Variants in HS6ST3 observed in about 807,000 individuals in gnomAD.
HS6ST3 encodes heparan-sulfate 6-O-sulfotransferase 3.
Under a neutral mutation model 36.7 loss-of-function variants are expected in HS6ST3, and 12 were observed. The ratio of observed to expected loss-of-function variants is 0.33; its 90% CI spans 0.21 to 0.53. The LOEUF (loss-of-function observed/expected upper bound fraction) is 0.53, where lower values mean the gene tolerates loss of function less well. Among genes scored for constraint, HS6ST3 ranks in the 20% least tolerant of loss-of-function variants. The pLI is 0.95. For missense variants in HS6ST3, 584 were observed against 640.9 expected (o/e 0.91, Z 0.96); for synonymous variants, 240 against 257.5 (o/e 0.93, Z 0.65).
chr13:96,305,960 T>A (rs1327415919), intron 1 of HS6ST3, among the ~76,000 whole-genome samples: 1 of 151,408 alleles, frequency 6.6e-6, no homozygotes, highest in Non-Finnish European at 1.5e-5. Flanking sequence ...GATCTCACTG[T>A]GTCACGTAGT....
chr13:96,196,595 C>CCGA (rs1390735597), intron 1 of HS6ST3, among the ~76,000 whole-genome samples: 1 of 151,826 alleles, frequency 6.6e-6, no homozygotes, highest in Non-Finnish European at 1.5e-5. Flanking sequence ...GAGGAGCATG[C>CCGA]TGATGATGAC....
intron 1 of HS6ST3, among the ~76,000 whole-genome samples, chr13:96,801,479 T>C (rs1050226725): frequency 6.6e-6 from 1 of 152,098 alleles, no homozygotes; most frequent in Admixed American, 6.6e-5. Flanking sequence ...TTTGTTTTCC[T>C]GTTGAAAACA....
chr13:96,734,591 A>G (rs1367982241), intron 1 of HS6ST3, among the ~76,000 whole-genome samples: 1 of 152,166 alleles, frequency 6.6e-6, no homozygotes, highest in African/African-American at 2.4e-5. Context: ...AATAGATTAA[A>G]TATACACAGC....
chr13:96,550,034 T>G (rs1340827154), intron 1 of HS6ST3, among the ~76,000 whole-genome samples: 1 of 152,220 alleles, frequency 6.6e-6, no homozygotes, highest in Non-Finnish European at 1.5e-5. Context: ...CATCACATAG[T>G]AATACATACT....
chr13:96,552,150 C>T (rs544881426), intron 1 of HS6ST3, among the ~76,000 whole-genome samples: 4 of 152,124 alleles, frequency 2.6e-5, no homozygotes, highest in Non-Finnish European at 5.9e-5. Context: ...TCAGTGTGCA[C>T]GTATTTATTG....
intron 1 of HS6ST3, among the ~76,000 whole-genome samples, chr13:96,210,783 G>A (rs765111436): frequency 5.9e-5 from 9 of 151,606 alleles, no homozygotes; most frequent in South Asian, 4.2e-4. Context: ...TAGTAGAGAC[G>A]AGGTTTCACC....
rs573401611 is a variant in HS6ST3 at position 96,534,439 on chromosome 13, G to A, written c.708-298051G>A. On this transcript the variant is annotated intron_variant, in intron 1 of 1. Transcript: ENST00000376705. ...TTTATATGTCTCAGTTTTAAATGGT[G>A]TATTTAATCCCATCCATCCCGTGTG... Among the ~76,000 whole-genome samples the A allele has an allele frequency of 2.0e-5, 3 of 152,304 alleles. No homozygotes were observed. The East Asian group carries it at 5.8e-4, about 29-fold the overall frequency.
At chr13:96,103,011 G>A (rs1256887973) in intron 1 of HS6ST3, among the ~76,000 whole-genome samples, 1 of 152,048 alleles carries the variant, frequency 6.6e-6, no homozygotes, top group African/African-American at 2.4e-5. Flanking sequence ...TGGCATATAT[G>A]TGTTTTCTTT....
At chr13:96,759,035 A>G (rs1161134202) in intron 1 of HS6ST3, among the ~76,000 whole-genome samples, 1 of 151,810 alleles carries the variant, frequency 6.6e-6, no homozygotes, top group Admixed American at 6.6e-5. Flanking sequence ...ATGTATTCCT[A>G]AAGAATCAAC....
chr13:96,251,847 C>G (rs996520219), intron 1 of HS6ST3, among the ~76,000 whole-genome samples: 10 of 151,952 alleles, frequency 6.6e-5, no homozygotes, highest in African/African-American at 2.4e-4. Flanking sequence ...TGCTTAATTT[C>G]TATATATTTG....
At chr13:96,176,798 G>T (rs891123873) in intron 1 of HS6ST3, among the ~76,000 whole-genome samples, 1 of 152,176 alleles carries the variant, frequency 6.6e-6, no homozygotes, top group Non-Finnish European at 1.5e-5. Flanking sequence ...AAGAGCTTCT[G>T]CACAGCAAAA....
At chr13:96,295,556 C>T (rs994513208) in intron 1 of HS6ST3, among the ~76,000 whole-genome samples, 3 of 152,020 alleles carry the variant, frequency 2.0e-5, no homozygotes, top group Non-Finnish European at 2.9e-5. Context: ...GTGCTGAGCG[C>T]GATCCAGGTG....
chr13:96,507,911 A>G (rs1170949522), intron 1 of HS6ST3, among the ~76,000 whole-genome samples: 1 of 152,098 alleles, frequency 6.6e-6, no homozygotes, highest in Non-Finnish European at 1.5e-5. Context: ...ACCTAACACA[A>G]CTGAAATTCA....
At chr13:96,340,348 G>A (rs1463376398) in intron 1 of HS6ST3, among the ~76,000 whole-genome samples, 1 of 152,270 alleles carries the variant, frequency 6.6e-6, no homozygotes, top group Non-Finnish European at 1.5e-5. Flanking sequence ...GATGGGCCTC[G>A]CTCTGTCATT....
At chr13:96,472,852 C>T (rs536204987) in intron 1 of HS6ST3, among the ~76,000 whole-genome samples, 96 of 152,166 alleles carry the variant, frequency 6.3e-4, no homozygotes, top group Non-Finnish European at 1.2e-3. Context: ...ACAGTTCATT[C>T]ACTGGAAACT....
chr13:96,346,742 T>C (rs1258635647), intron 1 of HS6ST3, among the ~76,000 whole-genome samples: 2 of 152,176 alleles, frequency 1.3e-5, no homozygotes, highest in Non-Finnish European at 2.9e-5. Flanking sequence ...TAAGGCAGAC[T>C]GTCTCACAGA....
At chr13:96,351,335 T>TTTTTTTTTTTTTTTTTTAAA (rs1203595829) in intron 1 of HS6ST3, among the ~76,000 whole-genome samples, 1 of 146,366 alleles carries the variant, frequency 6.8e-6, no homozygotes, top group African/African-American at 2.6e-5. Context: ...TTTTTTTTTT[T>TTTTTTTTTTTTTTTTTTAAA]AAAAAAAACA....
chr13:96,654,850 C>T (rs979144643), intron 1 of HS6ST3, among the ~76,000 whole-genome samples: 3 of 152,120 alleles, frequency 2.0e-5, no homozygotes, highest in Non-Finnish European at 4.4e-5. Flanking sequence ...TAAGAACACA[C>T]ACTCTATCTG....
rs1878905218 is a variant in HS6ST3 at position 96,835,580 on chromosome 13, A to T, written c.*2382A>T. 1 of 147,418 alleles carries T rather than the reference A, an allele frequency of 6.8e-6. No homozygotes were observed. Among genetic ancestry groups the T allele is most frequent in the African/African-American group, 2.6e-5 (1 of 38,776 alleles). 9.1% of individuals were successfully genotyped at this position (147,418 alleles called of 1,614,324 possible). On this transcript the variant is annotated 3_prime_UTR_variant, in exon 2 of 2. Transcript: ENST00000376705. Reference sequence around the variant, plus strand: ...TTCTGCCTAGAATAGCAGGACTGCAAATTATCCTTCTGCCTGCCCCTGTGA... The same window carrying T: ...TTCTGCCTAGAATAGCAGGACTGCATATTATCCTTCTGCCTGCCCCTGTGA...
Sources: gnomAD v4.1 joint callset for allele counts (sites outside exome capture counted in the v4.1 genomes callset) on GRCh38, gnomAD v4.1.1 for gene constraint, MANE v1.5 for transcripts, NCBI Gene and HGNC (gene_info 2026-07-23, HGNC 2026-07-21) for gene names.